Variants in ADARB2 observed in about 807,000 individuals in gnomAD.
ADARB2 encodes inactive double-stranded RNA-specific editase B2.
ADARB2 carries 25 observed loss-of-function variants against 62.2 expected under a neutral mutation model. The ratio of observed to expected loss-of-function variants is 0.40; its 90% CI spans 0.29 to 0.56. The LOEUF is 0.56. ADARB2 is among the 20% of genes least tolerant of loss of function. ADARB2 has a pLI of 0.43. For missense variants in ADARB2, 1,071 were observed against 1,077.4 expected (o/e 0.99, Z 0.08); for synonymous variants, 572 against 500.8 (o/e 1.14, Z -1.90).
intron 1 of ADARB2, among the ~76,000 whole-genome samples, chr10:1,392,741 G>T (rs1215098580): frequency 6.6e-6 from 1 of 152,156 alleles, no homozygotes; most frequent in Non-Finnish European, 1.5e-5. Flanking sequence ...GATTCTTTTG[G>T]TGAATGTTTC....
At chr10:1,627,304 G>C (rs1039722619) in intron 1 of ADARB2, among the ~76,000 whole-genome samples, 1 of 152,170 alleles carries the variant, frequency 6.6e-6, no homozygotes, top group Non-Finnish European at 1.5e-5. Context: ...TCCATTCGGA[G>C]AGCAGGGCCC....
At chr10:1,207,660 A>C (rs1837087425) in intron 7 of ADARB2, among the ~76,000 whole-genome samples, 1 of 152,226 alleles carries the variant, frequency 6.6e-6, no homozygotes, top group Non-Finnish European at 1.5e-5. Flanking sequence ...GAAATCAGCC[A>C]GTGCCGTATT....
chr10:1,691,629 C>T (rs1834674062), intron 1 of ADARB2, among the ~76,000 whole-genome samples: 1 of 152,146 alleles, frequency 6.6e-6, no homozygotes, highest in African/African-American at 2.4e-5. Context: ...CTGTTCACAC[C>T]AACTTCACGT....
Position 1,362,369 on chromosome 10 carries a change from T to G in ADARB2, c.1077+659A>C, listed in dbSNP as rs146649490. Among the ~76,000 whole-genome samples the G allele has an allele frequency of 2.0e-5, 3 of 152,354 alleles. No individual in the cohort carries two copies. In the East Asian group the frequency reaches 5.8e-4, roughly 29 times the overall value. Reference sequence around the variant, plus strand: ...TCGTTCTTTCCTTGCTGTGTGGGTTTTGTCCAGTTCTTTGCTCAAGGCGCC... The same window carrying G: ...TCGTTCTTTCCTTGCTGTGTGGGTTGTGTCCAGTTCTTTGCTCAAGGCGCC... On this transcript the variant is annotated intron_variant, in intron 3 of 9. Coordinates refer to ENST00000381312, the MANE Select transcript of ADARB2 (RefSeq NM_018702.4).
intron 1 of ADARB2, among the ~76,000 whole-genome samples, chr10:1,535,990 C>T (rs1418085262): frequency 6.6e-6 from 1 of 152,206 alleles, no homozygotes; most frequent in Non-Finnish European, 1.5e-5. Context: ...TCACAGATGA[C>T]TTGGAATCCT....
rs10665720 is a variant in ADARB2, at chr10:1,196,206, CTT to C, written c.1864+3758_1864+3759del. On this transcript the variant is annotated intron_variant, in intron 8 of 9. Coordinates refer to ENST00000381312, the MANE Select transcript of ADARB2 (RefSeq NM_018702.4). The stretch of plus-strand genomic sequence containing the variant: ...GGTCACTTTTTAATCCTTCTTTTGC[CTT>C]TTTTTTTTTTTTTTTTTGACAAAGC... 2.9e-3 allele frequency among the ~76,000 whole-genome samples: 356 copies of C among 120,842 alleles called. 2 individuals carry two copies. The highest frequency in any genetic ancestry group is 0.01 in the African/African-American group (320 of 30,816). The allele number at this position is 120,842 out of a possible 152,430, so 79.3% of individuals were successfully genotyped here.
intron 1 of ADARB2, chr10:1,675,384 T>C (rs543866254): frequency 1.0e-6 from 1 of 983,114 alleles, no homozygotes; most frequent in Non-Finnish European, 1.2e-6. Flanking sequence ...GGTTCAGGGA[T>C]GCATGGATGT....
intron 1 of ADARB2, among the ~76,000 whole-genome samples, chr10:1,575,877 C>T (rs1232504756): frequency 1.5e-5 from 2 of 133,398 alleles, no homozygotes; most frequent in African/African-American, 5.7e-5. Context: ...CTCAGGAAAC[C>T]CTTCCTGTCA....
At chr10:1,520,234 T>G (rs1207616652) in intron 1 of ADARB2, among the ~76,000 whole-genome samples, 1 of 152,266 alleles carries the variant, frequency 6.6e-6, no homozygotes, top group Admixed American at 6.5e-5. Flanking sequence ...AGTTTCTGAC[T>G]GAACCATATG....
intron 1 of ADARB2, among the ~76,000 whole-genome samples, chr10:1,384,497 G>A (rs1832509533): frequency 6.6e-6 from 1 of 152,192 alleles, no homozygotes; most frequent in Admixed American, 6.5e-5. Flanking sequence ...GCCAGGATGA[G>A]GGAGTTGCAG....
At chr10:1,603,153 G>A (rs112877565) in intron 1 of ADARB2, among the ~76,000 whole-genome samples, 12,604 of 90,716 alleles carry the variant, frequency 0.14, 1,717 homozygotes, top group African/African-American at 0.37. Flanking sequence ...ACACACACCT[G>A]TACACACATT....
chr10:1,711,247 A>G (rs1304727393), intron 1 of ADARB2, among the ~76,000 whole-genome samples: 1 of 152,104 alleles, frequency 6.6e-6, no homozygotes, highest in Non-Finnish European at 1.5e-5. Context: ...AGCTGAGAAC[A>G]AACTCAAGGT....
intron 6 of ADARB2, among the ~76,000 whole-genome samples, chr10:1,232,424 TGTG>T (rs771895620): frequency 1.3e-4 from 19 of 148,796 alleles, no homozygotes; most frequent in Middle Eastern, 3.8e-3. Context: ...GTGTGGTATA[TGTG>T]GTGTGTGTTT....
At chr10:1,585,302 G>A (rs2676196) in intron 1 of ADARB2, among the ~76,000 whole-genome samples, 54,059 of 151,928 alleles carry the variant, frequency 0.36, 9,809 homozygotes, top group Non-Finnish European at 0.37. Flanking sequence ...TCCCCAAATC[G>A]CTAAGCCAAA....
rs548291083 is a variant in ADARB2, at chr10:1,451,609, G to A, written c.101-72449C>T. Among the ~76,000 whole-genome samples the A allele has an allele frequency of 4.6e-5, 7 of 151,790 alleles. No homozygotes were observed. The South Asian group carries it at 6.3e-4, about 14-fold the overall frequency. On this transcript the variant is annotated intron_variant, in intron 1 of 9. Transcript: ENST00000381312. ...ATGAGGAGGGGCTCACCTGTATAAGGAGGGGACACACCTTCCTGAGAAGGG... is the reference window on the plus strand; with the variant it reads ...ATGAGGAGGGGCTCACCTGTATAAGAAGGGGACACACCTTCCTGAGAAGGG...
At chr10:1,328,614 AC>A (rs1831898996) in intron 3 of ADARB2, among the ~76,000 whole-genome samples, 1 of 152,158 alleles carries the variant, frequency 6.6e-6, no homozygotes, top group Non-Finnish European at 1.5e-5. Context: ...TGTTTACAGA[AC>A]AGAGGGGATG....
At position 1,725,206 on chromosome 10, in the gene ADARB2, A is replaced by G. The variant is rs558047238; in HGVS notation, c.100+11845T>C. Among the ~76,000 whole-genome samples, 56 of 152,188 alleles carry G rather than the reference A, an allele frequency of 3.7e-4. 1 individual carries two copies. Among genetic ancestry groups the G allele is most frequent in the African/African-American group, 1.3e-3 (56 of 41,504 alleles). Reference sequence around the variant, plus strand: ...ACGTGCTGTAAAATAGATACATCCAATCTCATGAATTTTTAGTGAATATAT... The same window carrying G: ...ACGTGCTGTAAAATAGATACATCCAGTCTCATGAATTTTTAGTGAATATAT... On this transcript the variant is annotated intron_variant, in intron 1 of 9. Coordinates refer to ENST00000381312, the MANE Select transcript of ADARB2 (RefSeq NM_018702.4).
chr10:1,632,410 CATT>C lies in ADARB2; in HGVS notation c.100+104638_100+104640del, dbSNP rs201628761. On this transcript the variant is annotated intron_variant, in intron 1 of 9. Transcript: ENST00000381312. ...CATGCACAATATGCATCTGCATACA[CATT>C]ATACATGGGCACACAAGTGCTTGCA... Among the ~76,000 whole-genome samples the C allele has an allele frequency of 6.1e-3, 922 of 152,280 alleles. 17 individuals carry two copies. The highest frequency in any genetic ancestry group is 0.048 in the East Asian group (248 of 5,184).
At chr10:1,351,263 A>T (rs1485200696) in intron 3 of ADARB2, among the ~76,000 whole-genome samples, 1 of 152,296 alleles carries the variant, frequency 6.6e-6, no homozygotes, top group South Asian at 2.1e-4. Context: ...ACCATCACGG[A>T]TGCTGAGCTT....
Sources: gnomAD v4.1 joint callset for allele counts (sites outside exome capture counted in the v4.1 genomes callset) on GRCh38, gnomAD v4.1.1 for gene constraint, MANE v1.5 for transcripts, NCBI Gene and HGNC (gene_info 2026-07-23, HGNC 2026-07-21) for gene names.